MAP3K19: variants seen among roughly 807,000 people sequenced by gnomAD.
The protein encoded by MAP3K19 is SPS1/STE20-related protein kinase YSK4.
Under a neutral mutation model 114.4 loss-of-function variants are expected in MAP3K19, and 91 were observed. The observed-to-expected ratio is 0.80, with a 90% CI of 0.67 to 0.95. The LOEUF is 0.95. Ranked by LOEUF, MAP3K19 falls within the 40% of genes least tolerant of loss-of-function variation. The pLI is 0.00. For synonymous variants in MAP3K19, 518 were observed against 530.5 expected (o/e 0.98, Z 0.32); for missense variants, 1,471 against 1,573.2 (o/e 0.94, Z 1.10).
intron 3 of MAP3K19, among the ~76,000 whole-genome samples, chr2:135,026,645 T>G (rs1003271861): frequency 5.3e-5 from 8 of 151,410 alleles, no homozygotes; most frequent in Non-Finnish European, 1.5e-5. Flanking sequence ...CCCTCTTATT[T>G]AAAAAAAAAG....
Position 134,981,213 on chromosome 2 carries a change from A to G in MAP3K19, c.3528T>C (p.Tyr1176=). The change falls in exon 12 of 13, where the codon TAT becomes TAC. Residue 1176 remains tyrosine (Y), a synonymous_variant. Coordinates refer to ENST00000392915, the MANE Select transcript of MAP3K19 (RefSeq NM_025052.5). ...YTKQILQGVA[Y]LHENCVVHRD... is the part of the protein sequence containing the mutation. ...GATGTACCACACAGTTCTCATGGAG[A>G]TAAGCAACACCTTGAAGTATTTGTT... 1 of 1,614,190 alleles carries G rather than the reference A, an allele frequency of 6.2e-7. No individual in the cohort carries two copies. Among genetic ancestry groups the G allele is most frequent in the Non-Finnish European group, 8.5e-7 (1 of 1,180,044 alleles).
chr2:134,988,571 G>A (rs1685345002), intron 9 of MAP3K19, among the ~76,000 whole-genome samples: 1 of 151,816 alleles, frequency 6.6e-6, no homozygotes, highest in African/African-American at 2.4e-5. Context: ...TTAAATTTTA[G>A]TAGAGACAAG....
At position 134,987,603 on chromosome 2, in the gene MAP3K19, A is replaced by G. The variant is rs891290633; in HGVS notation, c.1269T>C (p.His423=). 1 of 1,614,050 alleles carries G rather than the reference A, an allele frequency of 6.2e-7. No homozygotes were observed. The highest frequency in any genetic ancestry group is 1.3e-5 in the African/African-American group (1 of 74,996). ...NKAASKRVSL[H]KNEAMEPNNI... ...TGTTTGGTTCCATTGCTTCATTTTT[A>G]TGTAATGAAACTCTTTTTGAAGCAG... The change falls in exon 10 of 13, where the codon CAT becomes CAC. Residue 423 remains histidine (H), a synonymous_variant. Coordinates refer to ENST00000392915, the MANE Select transcript of MAP3K19 (RefSeq NM_025052.5).
In MAP3K19 at chr2:134,998,778, A is replaced by G. The variant is rs1686211575; in HGVS notation, c.534T>C (p.Asp178=). The change falls in exon 8 of 13, where the codon GAT becomes GAC. Residue 178 remains aspartate, a synonymous_variant. Coordinates refer to ENST00000392915, the MANE Select transcript of MAP3K19 (RefSeq NM_025052.5). ...LNISKSVTRE[D]APHFLKEQQR... ...GCTGCTCCTTCAGAAAATGAGGAGCATCTTCTCTGGTTACAGACTTGGAAA... is the reference window on the plus strand; with the variant it reads ...GCTGCTCCTTCAGAAAATGAGGAGCGTCTTCTCTGGTTACAGACTTGGAAA... 2 of 1,605,058 alleles carry G rather than the reference A, an allele frequency of 1.2e-6. No individual in the cohort carries two copies. The highest frequency in any genetic ancestry group is 2.2e-5 in the South Asian group (2 of 89,642).
rs959168876 is a variant in MAP3K19, at chr2:135,005,451, C to G, written c.219G>C (p.Trp73Cys). ...GCCCAGTACCTTCTGTCCTGGGTTG[C>G]CAGTCCTGTCTACCACCACTGGGAT... ...EEDPSGGRQD[W>C]QPRTEGVEIT... Residue 73 changes from tryptophan to cysteine, a missense_variant, in exon 6 of 13, where the codon TGG becomes TGC. Coordinates refer to ENST00000392915, the MANE Select transcript of MAP3K19 (RefSeq NM_025052.5). The G allele has an allele frequency of 6.2e-7, 1 of 1,613,110 alleles. No individual in the cohort carries two copies. Among genetic ancestry groups the G allele is most frequent in the African/African-American group, 1.3e-5 (1 of 74,900 alleles).
At chr2:135,008,540 C>T (rs1686996999) in intron 5 of MAP3K19, among the ~76,000 whole-genome samples, 1 of 152,066 alleles carries the variant, frequency 6.6e-6, no homozygotes, top group African/African-American at 2.4e-5. Context: ...AACTAATACC[C>T]CAATTTTGCA....
intron 5 of MAP3K19, among the ~76,000 whole-genome samples, chr2:135,016,415 A>G (rs1687589207): frequency 6.6e-6 from 1 of 152,202 alleles, no homozygotes. Context: ...ATTTAGCTTT[A>G]TAATAGGATG....
chr2:135,011,330 G>A (rs1346939994), intron 5 of MAP3K19, among the ~76,000 whole-genome samples: 5 of 152,078 alleles, frequency 3.3e-5, no homozygotes, highest in East Asian at 3.9e-4. Flanking sequence ...GAGGTCAGGA[G>A]ATCGAGACCA....
In MAP3K19 at chr2:135,010,838, C is replaced by G. The variant is rs544179538; in HGVS notation, c.139-5307G>C. On this transcript the variant is annotated intron_variant, in intron 5 of 12. Transcript: ENST00000392915. ...TAGAGACAAAGTCTTATTATGTTGC[C>G]CAGGGGTGTCTCGAATGCCTGGACT... 2.0e-5 allele frequency among the ~76,000 whole-genome samples: 3 copies of G among 152,028 alleles called. No homozygotes were observed. In the East Asian group the frequency reaches 5.8e-4, roughly 30 times the overall value.
intron 5 of MAP3K19, among the ~76,000 whole-genome samples, chr2:135,013,130 G>A (rs1223891599): frequency 1.3e-5 from 2 of 152,022 alleles, no homozygotes; most frequent in Non-Finnish European, 2.9e-5. Flanking sequence ...GACCAGCCTG[G>A]TCAACATGGT....
At position 135,025,479 on chromosome 2, in the gene MAP3K19, G is replaced by A. The variant is rs186687761; in HGVS notation, c.-94-738C>T. ...CGGCTCACTGCAAGCTCTGCCTCCC[G>A]GGTTCACGCCATTCTCCTGCCTCAG... On this transcript the variant is annotated intron_variant, in intron 3 of 12. Transcript: ENST00000392915. 1.4e-3 allele frequency among the ~76,000 whole-genome samples: 200 copies of A among 143,554 alleles called. 2 individuals are homozygous for A. The East Asian group carries it at 0.027, about 19-fold the overall frequency. The allele number at this position is 143,554 out of a possible 152,430, so 94.2% of individuals were successfully genotyped here.
At chr2:135,045,783 G>C (rs541230801) in intron 1 of MAP3K19, among the ~76,000 whole-genome samples, 28 of 152,206 alleles carry the variant, frequency 1.8e-4, no homozygotes, top group African/African-American at 6.5e-4. Flanking sequence ...TGCAATACCG[G>C]GTAATGTGGT....
intron 12 of MAP3K19, among the ~76,000 whole-genome samples, chr2:134,968,825 A>C (rs1358786964): frequency 6.7e-6 from 1 of 148,836 alleles, no homozygotes; most frequent in Non-Finnish European, 1.5e-5. Flanking sequence ...CACTTCCTAG[A>C]TGGGATGGCG....
intron 11 of MAP3K19, chr2:134,983,102 T>C: frequency 2.2e-6 from 1 of 459,642 alleles, no homozygotes; most frequent in Non-Finnish European, 4.4e-6. Context: ...CAATATATTG[T>C]TGTTAACTAT....
chr2:135,008,787 T>G (rs1217896870), intron 5 of MAP3K19, among the ~76,000 whole-genome samples: 2 of 152,034 alleles, frequency 1.3e-5, no homozygotes, highest in East Asian at 3.9e-4. Flanking sequence ...ATGATTATTG[T>G]TATTATTTTG....
chr2:134,965,975 C>T (rs527970281), intron 12 of MAP3K19, among the ~76,000 whole-genome samples: 73 of 152,198 alleles, frequency 4.8e-4, no homozygotes, highest in African/African-American at 1.5e-3. Flanking sequence ...TAAGAGAGAA[C>T]GTGGTATTTG....
chr2:135,041,194 G>A (rs1012447550), intron 1 of MAP3K19, among the ~76,000 whole-genome samples: 10 of 152,046 alleles, frequency 6.6e-5, no homozygotes, highest in African/African-American at 2.4e-4. Flanking sequence ...AGCACAGTGG[G>A]AATCATTAAG....
chr2:134,974,157 A>G (rs1684069677), intron 12 of MAP3K19, among the ~76,000 whole-genome samples: 1 of 152,020 alleles, frequency 6.6e-6, no homozygotes, highest in East Asian at 1.9e-4. Context: ...ATGTACCACC[A>G]CACCTGGGCA....
intron 2 of MAP3K19, among the ~76,000 whole-genome samples, 189 bp downstream of exon 2, chr2:135,040,174 G>C (rs546810407): frequency 6.6e-6 from 1 of 152,156 alleles, no homozygotes; most frequent in Admixed American, 6.5e-5. Flanking sequence ...AATATTTGTG[G>C]ACCGAGTGAG....
Sources: gnomAD v4.1 joint callset for allele counts (sites outside exome capture counted in the v4.1 genomes callset) on GRCh38, gnomAD v4.1.1 for gene constraint, MANE v1.5 for transcripts, NCBI Gene and HGNC (gene_info 2026-07-23, HGNC 2026-07-21) for gene names.